Variants in SPTBN1 observed in about 807,000 individuals in gnomAD.
SPTBN1 encodes spectrin beta chain, non-erythrocytic 1.
Under a neutral mutation model 266.4 loss-of-function variants are expected in SPTBN1, and 32 were observed. That is an observed-to-expected ratio of 0.12 (90% CI 0.09 to 0.16). The LOEUF is 0.16. Ranked by LOEUF, SPTBN1 falls within the 10% of genes least tolerant of loss-of-function variation. SPTBN1 has a pLI of 1.00. For synonymous variants in SPTBN1, 1,336 were observed against 1,162.2 expected (o/e 1.15, Z -3.04); for missense variants, 2,296 against 3,067.1 (o/e 0.75, Z 5.94).
At chr2:54,499,750 T>A (rs1669150855) in intron 1 of SPTBN1, among the ~76,000 whole-genome samples, 1 of 152,240 alleles carries the variant, frequency 6.6e-6, no homozygotes, top group Admixed American at 6.5e-5. Flanking sequence ...CATCTGCACA[T>A]GATTATGAAG....
intron 1 of SPTBN1, among the ~76,000 whole-genome samples, chr2:54,471,741 T>A (rs538202635): frequency 6.6e-6 from 1 of 151,460 alleles, no homozygotes; most frequent in African/African-American, 2.4e-5. Flanking sequence ...TGGCATTTCT[T>A]TTGAGCAAAA....
intron 1 of SPTBN1, among the ~76,000 whole-genome samples, chr2:54,501,391 G>A (rs1361406838): frequency 6.6e-6 from 1 of 152,078 alleles, no homozygotes; most frequent in African/African-American, 2.4e-5. Context: ...ATATTACAAA[G>A]GAGCTTCTTG....
rs1169028021 is a variant in SPTBN1, at chr2:54,540,142, G to T, written c.148+13576G>T. Among the ~76,000 whole-genome samples the T allele has an allele frequency of 2.6e-5, 4 of 152,280 alleles. No individual in the cohort carries two copies. The highest frequency in any genetic ancestry group is 9.6e-5 in the African/African-American group (4 of 41,566). Reference sequence around the variant, plus strand: ...CCTGACTTCCAGCCTCCAGAACTGTGAGAGAGAAATGGTTGTTGGTTAATC... The same window carrying T: ...CCTGACTTCCAGCCTCCAGAACTGTTAGAGAGAAATGGTTGTTGGTTAATC... On this transcript the variant is annotated intron_variant, in intron 2 of 35. Coordinates refer to ENST00000356805, the MANE Select transcript of SPTBN1 (RefSeq NM_003128.3). The surrounding 1 kb of genome is among the most constrained non-coding windows in gnomAD (Gnocchi z 5.6).
chr2:54,585,942 T>C (rs1037477845), intron 2 of SPTBN1, among the ~76,000 whole-genome samples: 2 of 152,220 alleles, frequency 1.3e-5, no homozygotes, highest in African/African-American at 2.4e-5. Context: ...AATTACTTCC[T>C]GAATGAAGAA....
chr2:54,615,975 G>T (rs1413108777), intron 4 of SPTBN1, among the ~76,000 whole-genome samples: 1 of 152,200 alleles, frequency 6.6e-6, no homozygotes, highest in African/African-American at 2.4e-5. Flanking sequence ...TCTGATAGGT[G>T]CTGGGAAGTC....
intron 1 of SPTBN1, among the ~76,000 whole-genome samples, chr2:54,519,789 GGAAT>G (rs1247535976): frequency 2.6e-5 from 4 of 152,128 alleles, no homozygotes; most frequent in Non-Finnish European, 4.4e-5. Context: ...ATGAGGAGCT[GGAAT>G]GAGAAACTCC....
rs570184985 is a variant in SPTBN1, at chr2:54,623,069, GT to G, written c.1065-404del. On this transcript the variant is annotated intron_variant, in intron 9 of 35. Transcript: ENST00000356805. ...TATTGCTTACCATAGTTCCAAAGTCGTTTTTTCTTTTCTGAAAACTCAGTTG... is the reference window on the plus strand; with the variant it reads ...TATTGCTTACCATAGTTCCAAAGTCGTTTTTCTTTTCTGAAAACTCAGTTG... Among the ~76,000 whole-genome samples, 47 of 152,146 alleles carry G rather than the reference GT, an allele frequency of 3.1e-4. No homozygotes were observed. In the East Asian group the frequency reaches 8.7e-3, roughly 28 times the overall value.
chr2:54,495,773 T>C (rs1360613535), intron 1 of SPTBN1, among the ~76,000 whole-genome samples: 1 of 152,154 alleles, frequency 6.6e-6, no homozygotes, highest in East Asian at 1.9e-4. Flanking sequence ...ATATTATATG[T>C]ATGGTGATTT....
At chr2:54,606,019 G>A (rs1676817617) in intron 3 of SPTBN1, among the ~76,000 whole-genome samples, 1 of 152,158 alleles carries the variant, frequency 6.6e-6, no homozygotes, top group South Asian at 2.1e-4. Context: ...CCATGTTCAT[G>A]TGGAAGCACA....
rs565064385 is a variant in SPTBN1 at position 54,639,602 on chromosome 2, C to T, written c.3858+1799C>T. 3.9e-5 allele frequency among the ~76,000 whole-genome samples: 6 copies of T among 152,280 alleles called. No individual in the cohort carries two copies. The South Asian group carries it at 1.2e-3, about 32-fold the overall frequency. The stretch of plus-strand genomic sequence containing the variant: ...TCTCTTATTTTCCACTGACATATGT[C>T]GATTTCGTTAAGTAGACATGTATGG... On this transcript the variant is annotated intron_variant, in intron 18 of 35. Coordinates refer to ENST00000356805, the MANE Select transcript of SPTBN1 (RefSeq NM_003128.3).
In SPTBN1 at chr2:54,626,208, A is replaced by T; in HGVS notation, c.1618A>T (p.Ile540Phe). 1 of 1,614,140 alleles carries T rather than the reference A, an allele frequency of 6.2e-7. No homozygotes were observed. The highest frequency in any genetic ancestry group is 8.5e-7 in the Non-Finnish European group (1 of 1,179,980). Reference sequence around the variant, plus strand: ...GAAGATATTCCAGGAAATGCTCTACATTATGGACTGGATGGATGAAATGAA... The same window carrying T: ...GAAGATATTCCAGGAAATGCTCTACTTTATGGACTGGATGGATGAAATGAA... The part of the protein sequence containing the change: ...LQKIFQEMLY[I>F]MDWMDEMKVL... The change falls in exon 12 of 36, where the codon ATT becomes TTT. Residue 540 changes from isoleucine to phenylalanine, a missense_variant. Ile to Phe is a conservative substitution (Grantham distance 21). Around this residue, in one of 12 missense-constraint regions of SPTBN1, gnomAD observed 434 missense variants for 573.9 expected, o/e 0.76. Coordinates refer to ENST00000356805, the MANE Select transcript of SPTBN1 (RefSeq NM_003128.3). The surrounding 1 kb of genome is among the most constrained non-coding windows in gnomAD (Gnocchi z 4.7).
In SPTBN1 at chr2:54,595,931, A is replaced by G. The variant is rs548849453; in HGVS notation, c.149-3161A>G. The stretch of plus-strand genomic sequence containing the variant: ...AACTGCTAAATGTGCCGAGGAATCA[A>G]AATTGCCCCTGCTGGAGAACCTTGG... On this transcript the variant is annotated intron_variant, in intron 2 of 35. Transcript: ENST00000356805. Among the ~76,000 whole-genome samples, 6 of 152,342 alleles carry G rather than the reference A, an allele frequency of 3.9e-5. No individual in the cohort carries two copies. In the South Asian group the frequency reaches 1.2e-3, roughly 32 times the overall value.
At chr2:54,620,424 G>T (rs1375186623) in intron 7 of SPTBN1, among the ~76,000 whole-genome samples, 1 of 152,120 alleles carries the variant, frequency 6.6e-6, no homozygotes, top group Non-Finnish European at 1.5e-5. Flanking sequence ...ACAAAGGGAA[G>T]TCATAAGTTA....
intron 30 of SPTBN1, 144 bp downstream of exon 30, chr2:54,658,190 T>G: frequency 1.0e-6 from 1 of 981,760 alleles, no homozygotes; most frequent in South Asian, 1.7e-5. Context: ...TTAAAATGGG[T>G]GGCTCCTGTG....
At chr2:54,485,542 A>G (rs931511990) in intron 1 of SPTBN1, among the ~76,000 whole-genome samples, 6 of 152,174 alleles carry the variant, frequency 3.9e-5, no homozygotes, top group African/African-American at 1.4e-4. Flanking sequence ...GGCTGGCTAC[A>G]ACCTCCACCT....
intron 34 of SPTBN1, among the ~76,000 whole-genome samples, chr2:54,667,088 A>C (rs576250839): frequency 4.1e-4 from 62 of 152,180 alleles, no homozygotes; most frequent in Non-Finnish European, 7.3e-4. Context: ...GACCCTTCCA[A>C]GCCTGGGGAC....
intron 2 of SPTBN1, among the ~76,000 whole-genome samples, chr2:54,598,503 G>GA: frequency 6.6e-6 from 1 of 152,156 alleles, no homozygotes; most frequent in Non-Finnish European, 1.5e-5. Flanking sequence ...CTGAGCAGGT[G>GA]AAGACGGTCA....
intron 1 of SPTBN1, among the ~76,000 whole-genome samples, chr2:54,510,150 G>A (rs1669780215): frequency 2.6e-5 from 4 of 151,810 alleles, no homozygotes; most frequent in African/African-American, 7.3e-5. Flanking sequence ...TTTGAGACAG[G>A]GTTTCACCAT....
chr2:54,671,072 C>T lies in SPTBN1; in HGVS notation c.*2503C>T. ...CAGTGATACAATATGGGTGACAATA[C>T]TGGCCCCTCCATAAATCTGAAGAGT... On this transcript the variant is annotated 3_prime_UTR_variant, in exon 36 of 36. Transcript: ENST00000356805. The T allele has an allele frequency of 5.8e-6, 2 of 344,858 alleles. No individual in the cohort carries two copies. The highest frequency in any genetic ancestry group is 1.0e-5 in the Non-Finnish European group (2 of 192,882). The allele number at this position is 344,858 out of a possible 1,614,324, so 21.4% of individuals were successfully genotyped here.
Sources: gnomAD v4.1 joint callset for allele counts (sites outside exome capture counted in the v4.1 genomes callset) on GRCh38, gnomAD v4.1.1 for gene constraint, gnomAD v4.1.1 regional missense constraint, Gnocchi (gnomAD v3.1) non-coding constraint, MANE v1.5 for transcripts, NCBI Gene and HGNC (gene_info 2026-07-23, HGNC 2026-07-21) for gene names.